The following CADM2 variants were observed in gnomAD, a reference collection of about 807,000 sequenced individuals.
CADM2 encodes immunoglobulin superfamily member 4D.
A neutral mutation model predicts 49.8 loss-of-function variants in CADM2; 12 were observed. That is an observed-to-expected ratio of 0.24 (90% confidence interval 0.15 to 0.39). The LOEUF (loss-of-function observed/expected upper bound fraction) is 0.39, where lower values mean the gene tolerates loss of function less well. Among genes scored for constraint, CADM2 ranks in the 10% least tolerant of loss-of-function variants. The probability of loss-of-function intolerance (pLI) is 1.00; values close to 1 mark genes in which losing one functional copy is unlikely to be tolerated. For synonymous variants in CADM2, 214 were observed against 175.4 expected, an observed-to-expected ratio of 1.22 and a Z score of -1.74; for missense variants, 378 against 492.3, an observed-to-expected ratio of 0.77 and a Z score of 2.20.
At chr3:85,666,386 T>G (rs2107621603) in intron 1 of CADM2, among the ~76,000 whole-genome samples, 1 of 152,086 alleles carries the variant, frequency 6.6e-6, no homozygotes, top group Admixed American at 6.6e-5. Flanking sequence ...CTATCAGATT[T>G]AGACATGCTA....
At chr3:85,170,708 T>C (rs2040602346) in intron 1 of CADM2, among the ~76,000 whole-genome samples, 1 of 152,184 alleles carries the variant, frequency 6.6e-6, no homozygotes, top group Admixed American at 6.5e-5. Flanking sequence ...TTTATATTTG[T>C]TTGTCCTTAT....
At chr3:85,025,512 T>C (rs1379738301) in intron 1 of CADM2, among the ~76,000 whole-genome samples, 2 of 152,204 alleles carry the variant, frequency 1.3e-5, no homozygotes, top group East Asian at 1.9e-4. Flanking sequence ...TAAACTATAT[T>C]ACATTCAACT....
intron 1 of CADM2, among the ~76,000 whole-genome samples, chr3:85,133,922 T>G (rs1449526607): frequency 1.3e-5 from 2 of 152,168 alleles, no homozygotes; most frequent in African/African-American, 4.8e-5. Flanking sequence ...GCGGCGCTCG[T>G]CGGGGAGGCT....
chr3:85,087,084 C>T (rs761572628), intron 1 of CADM2, among the ~76,000 whole-genome samples: 6 of 152,064 alleles, frequency 3.9e-5, no homozygotes, highest in African/African-American at 1.4e-4. Flanking sequence ...AGAGCAGTTT[C>T]TTGAGGGAAG....
intron 1 of CADM2, among the ~76,000 whole-genome samples, chr3:85,103,750 A>G (rs1451002845): frequency 2.0e-5 from 3 of 152,192 alleles, no homozygotes; most frequent in Admixed American, 1.3e-4. Flanking sequence ...AAAAGCACAT[A>G]CGAAACAATA....
At chr3:85,704,784 T>TA (rs1004429472) in intron 1 of CADM2, among the ~76,000 whole-genome samples, 1 of 152,034 alleles carries the variant, frequency 6.6e-6, no homozygotes, top group South Asian at 2.1e-4. Flanking sequence ...TTTATACCAT[T>TA]AAAAAATCAA....
chr3:85,978,827 AT>A (rs5850723), intron 8 of CADM2, among the ~76,000 whole-genome samples: 10 of 150,708 alleles, frequency 6.6e-5, no homozygotes, highest in South Asian at 4.2e-4. Context: ...AAAGCATGTC[AT>A]TTTTTTTTAC....
intron 1 of CADM2, among the ~76,000 whole-genome samples, chr3:85,312,972 T>C (rs149616896): frequency 2.6e-4 from 39 of 152,316 alleles, no homozygotes; most frequent in African/African-American, 9.1e-4. Flanking sequence ...TTTCCCCTTA[T>C]CACATTTAAT....
rs572621002 is a variant in CADM2, at chr3:85,158,232, C to T, written c.61+198564C>T. Among the ~76,000 whole-genome samples the T allele has an allele frequency of 6.9e-3, 1,056 of 152,298 alleles. 57 individuals carry two copies. Among genetic ancestry groups the T allele is most frequent in the Admixed American group, 0.066 (1,002 of 15,294 alleles). ...ATATGGAGAAATAGGAACACTTTTA[C>T]ACTGTTGGTGGGACTGTAAACTAGT... On this transcript the variant is annotated intron_variant, in intron 1 of 9. Coordinates refer to ENST00000383699, the MANE Select transcript of CADM2 (RefSeq NM_001167675.2).
At chr3:85,923,033 G>A (rs1436844379) in intron 6 of CADM2, among the ~76,000 whole-genome samples, 1 of 151,656 alleles carries the variant, frequency 6.6e-6, no homozygotes, top group African/African-American at 2.4e-5. Flanking sequence ...CCATGTTAGC[G>A]AGGATGGTCT....
At chr3:85,208,728 T>C (rs1420408013) in intron 1 of CADM2, among the ~76,000 whole-genome samples, 1 of 152,110 alleles carries the variant, frequency 6.6e-6, no homozygotes, top group East Asian at 1.9e-4. Context: ...GCATTTGAAA[T>C]TGAAATTAAA....
chr3:86,014,411 G>A (rs1731951291), intron 8 of CADM2: 1 of 1,478,090 alleles, frequency 6.8e-7, no homozygotes, highest in Non-Finnish European at 9.0e-7. Flanking sequence ...ACGAAGTGAT[G>A]GAAAATATTG....
chr3:85,918,733 G>T (rs1455071502), intron 6 of CADM2, among the ~76,000 whole-genome samples: 1 of 151,986 alleles, frequency 6.6e-6, no homozygotes, highest in Non-Finnish European at 1.5e-5. Flanking sequence ...TACATAACAG[G>T]GAAGAGGAAA....
At chr3:85,164,822 C>T (rs535688912) in intron 1 of CADM2, among the ~76,000 whole-genome samples, 79 of 151,968 alleles carry the variant, frequency 5.2e-4, no homozygotes, top group Middle Eastern at 3.4e-3. Context: ...TTATTTATTT[C>T]CACTTTTAAA....
intron 1 of CADM2, among the ~76,000 whole-genome samples, chr3:85,047,566 A>G (rs1391248802): frequency 6.6e-6 from 1 of 152,194 alleles, no homozygotes; most frequent in Non-Finnish European, 1.5e-5. Context: ...TTTATTGAAT[A>G]CATACTGTAT....
At chr3:85,896,401 A>G (rs1321351790) in intron 5 of CADM2, among the ~76,000 whole-genome samples, 1 of 152,234 alleles carries the variant, frequency 6.6e-6, no homozygotes, top group African/African-American at 2.4e-5. Flanking sequence ...TTTTGAATAT[A>G]TAAAGATCTG....
At chr3:85,081,665 C>G (rs114022838) in intron 1 of CADM2, among the ~76,000 whole-genome samples, 1,921 of 152,228 alleles carry the variant, frequency 0.013, 33 homozygotes, top group African/African-American at 0.043. Flanking sequence ...GGGTGAAGGA[C>G]AGCCTGCTTC....
In CADM2 at chr3:85,990,013, C is replaced by CAAAAAAA. The variant is rs58178176; in HGVS notation, c.970+28391_970+28397dup. On this transcript the variant is annotated intron_variant, in intron 8 of 9. Transcript: ENST00000383699. Reference sequence around the variant, plus strand: ...GGCGACAAGAGAGAAACTCCATGTCCAAAAAAAAAAAAAAAAAAAAAAAAA... The same window carrying CAAAAAAA: ...GGCGACAAGAGAGAAACTCCATGTCCAAAAAAAAAAAAAAAAAAAAAAAAAAAAAAAA... Among the ~76,000 whole-genome samples the CAAAAAAA allele has an allele frequency of 7.9e-3, 76 of 9,636 alleles. 1 individual carries two copies. Among genetic ancestry groups the CAAAAAAA allele is most frequent in the African/African-American group, 0.011 (40 of 3,790 alleles). 6.3% of individuals were successfully genotyped at this position (9,636 alleles called of 152,430 possible).
At chr3:85,855,661 C>T (rs1017458920) in intron 3 of CADM2, among the ~76,000 whole-genome samples, 1 of 139,272 alleles carries the variant, frequency 7.2e-6, no homozygotes, top group African/African-American at 2.6e-5. Flanking sequence ...GAGTTTCGCA[C>T]TGTTGCCTAG....
Sources: gnomAD v4.1 joint callset for allele counts (sites outside exome capture counted in the v4.1 genomes callset) on GRCh38, gnomAD v4.1.1 for gene constraint, MANE v1.5 for transcripts, NCBI Gene and HGNC (gene_info 2026-07-23, HGNC 2026-07-21) for gene names.